Variants in KIFAP3 observed in about 807,000 individuals in gnomAD.
KIFAP3 encodes the protein kinesin associated protein 3.
A neutral mutation model predicts 106.5 loss-of-function variants in KIFAP3; 68 were observed. That is an observed-to-expected ratio of 0.64 (90% CI 0.53 to 0.78). KIFAP3 has a LOEUF of 0.78. Among genes scored for constraint, KIFAP3 ranks in the 30% least tolerant of loss-of-function variants. The probability of loss-of-function intolerance (pLI) is 0.00; values close to 1 mark genes in which losing one functional copy is unlikely to be tolerated. For synonymous variants in KIFAP3, 320 were observed against 311.5 expected (o/e 1.03, Z -0.29); for missense variants, 780 against 941.8 (o/e 0.83, Z 2.25).
intron 2 of KIFAP3, among the ~76,000 whole-genome samples, chr1:170,051,098 T>A (rs751108362): frequency 1.3e-5 from 2 of 149,960 alleles, no homozygotes; most frequent in Non-Finnish European, 2.9e-5. Context: ...AGGAGACCTA[T>A]CTCACATGCA....
chr1:170,078,000 T>A (rs1163325876), upstream of KIFAP3, among the ~76,000 whole-genome samples: 2 of 152,178 alleles, frequency 1.3e-5, no homozygotes, highest in Non-Finnish European at 2.9e-5. Flanking sequence ...TGAATAAAGC[T>A]ACTAAAAATA....
intron 14 of KIFAP3, 77 bp from the exon 15 acceptor site, chr1:169,982,174 A>G: frequency 7.2e-7 from 1 of 1,385,938 alleles, no homozygotes; most frequent in Admixed American, 1.9e-5. Context: ...AAATGTAAAT[A>G]CACAGAAAGG....
rs753670264 is a variant in KIFAP3 at position 169,982,041 on chromosome 1, T to C, written c.1729A>G (p.Met577Val). The part of the protein sequence containing the change: ...EVVIMIGTVS[M>V]DDSCAALLAK... ...AGCAATGCAGCACAAGAGTCATCCA[T>C]GGATACAGTTCCAATCATTATAACC... The change falls in exon 15 of 20, where the codon ATG becomes GTG. Residue 577 changes from methionine to valine, a missense_variant. Around this residue, in one of 3 missense-constraint regions of KIFAP3, gnomAD observed 588 missense variants for 678.9 expected, o/e 0.87. Coordinates refer to ENST00000361580, the MANE Select transcript of KIFAP3 (RefSeq NM_014970.4). 12 of 1,613,400 alleles carry C rather than the reference T, an allele frequency of 7.4e-6. No individual in the cohort carries two copies. In the East Asian group the frequency reaches 2.0e-4, roughly 27 times the overall value.
rs763903681 is a variant in KIFAP3, at chr1:169,954,059, T to C, written c.2225A>G (p.Tyr742Cys). ...GAISPDFFND[Y>C]HLQNGDVVGQ... ...AACAACATCTCCATTTTGAAGGTGG[T>C]AATCATTGAAGAAATCGGGACTTAT... The change falls in exon 19 of 20, where the codon TAC becomes TGC. Residue 742 changes from tyrosine to cysteine, a missense_variant. Transcript: ENST00000361580. 6.2e-7 allele frequency: 1 copy of C among 1,613,688 alleles called. No homozygotes were observed. Among genetic ancestry groups the C allele is most frequent in the South Asian group, 1.1e-5 (1 of 91,074 alleles).
At chr1:169,949,709 A>G (rs921711195) in intron 19 of KIFAP3, among the ~76,000 whole-genome samples, 1 of 152,092 alleles carries the variant, frequency 6.6e-6, no homozygotes, top group Non-Finnish European at 1.5e-5. Flanking sequence ...ACTTTCTAAC[A>G]CCAGTTCAGA....
chr1:170,036,224 T>A (rs181783547), intron 5 of KIFAP3, among the ~76,000 whole-genome samples: 2 of 152,102 alleles, frequency 1.3e-5, no homozygotes, highest in African/African-American at 4.8e-5. Flanking sequence ...GTACATGGCA[T>A]ACTAATTCTT....
intron 1 of KIFAP3, 33 bp from the exon 2 acceptor site, chr1:170,055,469 T>G: frequency 6.6e-7 from 1 of 1,513,046 alleles, no homozygotes; most frequent in Non-Finnish European, 8.9e-7. Context: ...TATAACCAGA[T>G]TAAAATTCTC....
intron 16 of KIFAP3, among the ~76,000 whole-genome samples, chr1:169,977,780 C>G (rs944086259): frequency 6.6e-6 from 1 of 151,896 alleles, no homozygotes; most frequent in Non-Finnish European, 1.5e-5. Flanking sequence ...AGAAAAGAAC[C>G]AAGAATAGTC....
chr1:169,973,123 A>ATATATATATATATATAT (rs1553278139), intron 16 of KIFAP3, among the ~76,000 whole-genome samples: 12 of 128,618 alleles, frequency 9.3e-5, no homozygotes, highest in South Asian at 2.6e-4. Context: ...ATATATATAT[A>ATATATATATATATATAT]AACAACACAA....
upstream of KIFAP3, among the ~76,000 whole-genome samples, chr1:170,075,784 T>TA (rs1262497226): frequency 1.3e-5 from 2 of 152,226 alleles, no homozygotes; most frequent in Admixed American, 1.3e-4. Context: ...ACTAAAGTGT[T>TA]ACAAAATTCT....
At position 170,002,552 on chromosome 1, in the gene KIFAP3, T is replaced by G. The variant is rs185323670; in HGVS notation, c.1184-10297A>C. 4.7e-3 allele frequency among the ~76,000 whole-genome samples: 720 copies of G among 152,258 alleles called. 3 individuals carry two copies. Among genetic ancestry groups the G allele is most frequent in the Non-Finnish European group, 7.5e-3 (512 of 68,002 alleles). On this transcript the variant is annotated intron_variant, in intron 10 of 19. Transcript: ENST00000361580. Reference sequence around the variant, plus strand: ...ATGCAAACTGGCACAGATTTAAAACTCTTAAAGTTAGAAGAATCAAAATTT... The same window carrying G: ...ATGCAAACTGGCACAGATTTAAAACGCTTAAAGTTAGAAGAATCAAAATTT...
intron 3 of KIFAP3, 79 bp downstream of exon 3, chr1:170,046,633 T>C: frequency 8.6e-7 from 1 of 1,162,370 alleles, no homozygotes; most frequent in Non-Finnish European, 1.2e-6. Context: ...TTTGATAAAC[T>C]TTTTTTTATA....
rs538441532 is a variant in KIFAP3 at position 169,962,605 on chromosome 1, T to C, written c.1984-1370A>G. On this transcript the variant is annotated intron_variant, in intron 17 of 19. Transcript: ENST00000361580. ...TAAGGTGATCACAAAAACTAAGAGG[T>C]AGACCAAATATATATTTTAGTTAAA... is the stretch of plus-strand genomic sequence containing the variant. Among the ~76,000 whole-genome samples the C allele has an allele frequency of 4.2e-4, 64 of 152,214 alleles. 2 individuals carry two copies. In the South Asian group the frequency reaches 0.013, roughly 31 times the overall value.
chr1:170,048,305 T>C (rs1323956751), intron 2 of KIFAP3, among the ~76,000 whole-genome samples: 1 of 151,806 alleles, frequency 6.6e-6, no homozygotes, highest in Non-Finnish European at 1.5e-5. Flanking sequence ...TTTGGGTTTT[T>C]TTTTTTTTGG....
chr1:169,990,147 G>T, intron 11 of KIFAP3: 1 of 1,493,188 alleles, frequency 6.7e-7, no homozygotes, highest in Non-Finnish European at 9.1e-7. Flanking sequence ...TTTACAAGAA[G>T]CACAGAGTTC....
Position 169,949,469 on chromosome 1 carries a change from T to C in KIFAP3, c.2273+4542A>G. ...TTTTTTCCAGTTTATGAAAATTGGA[T>C]TCCTATAAAAGAAAAATGGACCATT... On this transcript the variant is annotated intron_variant, in intron 19 of 19. Transcript: ENST00000361580. Among the ~76,000 whole-genome samples, 2 of 152,020 alleles carry C rather than the reference T, an allele frequency of 1.3e-5. 1 individual carries two copies. The highest frequency in any genetic ancestry group is 2.9e-5 in the Non-Finnish European group (2 of 67,946).
intron 11 of KIFAP3, among the ~76,000 whole-genome samples, chr1:169,985,100 G>A (rs1666751226): frequency 6.6e-6 from 1 of 151,816 alleles, no homozygotes; most frequent in Non-Finnish European, 1.5e-5. Flanking sequence ...GGAAACAACA[G>A]TTTTAAGAGA....
In KIFAP3 at chr1:170,074,540, G is replaced by A. The variant is rs188903320; in HGVS notation, c.-73C>T. ...GGCGCGGTTATTTCCGGGGACGGTGGCCAAAGTACCCTCACACCCAGAGGC... is the reference window on the plus strand; with the variant it reads ...GGCGCGGTTATTTCCGGGGACGGTGACCAAAGTACCCTCACACCCAGAGGC... On this transcript the variant is annotated 5_prime_UTR_variant, in exon 1 of 20. Coordinates refer to ENST00000361580, the MANE Select transcript of KIFAP3 (RefSeq NM_014970.4). The A allele has an allele frequency of 2.3e-4, 364 of 1,607,086 alleles. No individual in the cohort carries two copies. In the African/African-American group the frequency reaches 3.5e-3, roughly 16 times the overall value.
chr1:170,062,773 T>C (rs1451831870), intron 1 of KIFAP3, among the ~76,000 whole-genome samples: 1 of 152,134 alleles, frequency 6.6e-6, no homozygotes, highest in African/African-American at 2.4e-5. Context: ...AAACAAAAAA[T>C]TCATGAAATC....
Sources: allele counts gnomAD v4.1 joint callset (sites outside exome capture counted in the v4.1 genomes callset), GRCh38; gene constraint gnomAD v4.1.1; regional missense constraint gnomAD v4.1.1; transcripts MANE v1.5; gene names NCBI Gene and HGNC (gene_info 2026-07-23, HGNC 2026-07-21).